Variants in PAPPA2 observed in about 807,000 individuals in gnomAD.
PAPPA2 encodes the protein pappalysin-2.
PAPPA2 carries 86 observed loss-of-function variants against 176.4 expected under a neutral mutation model. That is an observed-to-expected ratio of 0.49 (90% CI 0.41 to 0.58). The LOEUF is 0.58. Among genes scored for constraint, PAPPA2 ranks in the 20% least tolerant of loss-of-function variants. PAPPA2 has a pLI of 0.00. For missense variants in PAPPA2, 2,073 were observed against 2,256.9 expected, an observed-to-expected ratio of 0.92 and a Z score of 1.65; for synonymous variants, 809 against 852.2, an observed-to-expected ratio of 0.95 and a Z score of 0.88.
At chr1:176,517,253 G>T (rs1311106672) in intron 1 of PAPPA2, among the ~76,000 whole-genome samples, 2 of 152,098 alleles carry the variant, frequency 1.3e-5, no homozygotes, top group Admixed American at 6.6e-5. Context: ...TCTGCTAAAA[G>T]ACAGCAAATC....
At position 176,594,860 on chromosome 1, in the gene PAPPA2, T is replaced by G; in HGVS notation, c.1256T>G (p.Phe419Cys). 6.2e-7 allele frequency: 1 copy of G among 1,614,178 alleles called. No homozygotes were observed. Among genetic ancestry groups the G allele is most frequent in the Non-Finnish European group, 8.5e-7 (1 of 1,180,032 alleles). The change falls in exon 3 of 23, where the codon TTC becomes TGC. Residue 419 changes from phenylalanine (F) to cysteine (C), a missense_variant. By Grantham distance (205) the Phe-to-Cys change is radical (BLOSUM62 -2). Transcript: ENST00000367662. ...GGDSSEDGHY[F>C]RGHLGTLVFW... Reference sequence around the variant, plus strand: ...GACAGCTCTGAGGATGGGCACTATTTCCGTGGACACCTGGGCACACTGGTT... The same window carrying G: ...GACAGCTCTGAGGATGGGCACTATTGCCGTGGACACCTGGGCACACTGGTT...
intron 2 of PAPPA2, among the ~76,000 whole-genome samples, chr1:176,561,634 C>G (rs1350347498): frequency 3.2e-4 from 48 of 152,112 alleles, no homozygotes; most frequent in Non-Finnish European, 1.5e-5. Flanking sequence ...CTGAGCAGTA[C>G]TATTTTGAAT....
chr1:176,829,957 T>C (rs1557898408), intron 21 of PAPPA2, among the ~76,000 whole-genome samples: 3 of 152,248 alleles, frequency 2.0e-5, no homozygotes, highest in Non-Finnish European at 4.4e-5. Context: ...GTTTGATGTC[T>C]GGAAGAGTCT....
chr1:176,600,648 C>T (rs1255779277), intron 3 of PAPPA2, among the ~76,000 whole-genome samples: 1 of 139,308 alleles, frequency 7.2e-6, no homozygotes, highest in African/African-American at 2.7e-5. Flanking sequence ...TGCACTCCAG[C>T]CTGGGCGACA....
intron 1 of PAPPA2, among the ~76,000 whole-genome samples, chr1:176,518,975 C>T (rs1362963449): frequency 6.6e-6 from 1 of 152,126 alleles, no homozygotes; most frequent in African/African-American, 2.4e-5. Context: ...GGAGACCAGG[C>T]AGACTTAAAA....
At chr1:176,715,194 TA>T (rs1661313050) in intron 12 of PAPPA2, among the ~76,000 whole-genome samples, 1 of 152,216 alleles carries the variant, frequency 6.6e-6, no homozygotes, top group African/African-American at 2.4e-5. Context: ...ACTGTTGTGT[TA>T]ATGACACAAA....
chr1:176,557,930 T>C (rs1651424477), intron 2 of PAPPA2, among the ~76,000 whole-genome samples: 1 of 152,172 alleles, frequency 6.6e-6, no homozygotes, highest in African/African-American at 2.4e-5. Flanking sequence ...AATGAAACTT[T>C]TTATAACTCC....
chr1:176,463,804 T>G (rs1651490516), intron 1 of PAPPA2, among the ~76,000 whole-genome samples: 1 of 152,118 alleles, frequency 6.6e-6, no homozygotes, highest in Non-Finnish European at 1.5e-5. Flanking sequence ...GGGATTAGGA[T>G]GAGGGTTATT....
chr1:176,694,014 T>G (rs1276344597), intron 6 of PAPPA2, among the ~76,000 whole-genome samples: 1 of 152,228 alleles, frequency 6.6e-6, no homozygotes, highest in African/African-American at 2.4e-5. Context: ...GTTTGCTTCC[T>G]TTTCTCAGCT....
chr1:176,649,269 A>G (rs1169368644), intron 3 of PAPPA2, among the ~76,000 whole-genome samples: 1 of 151,348 alleles, frequency 6.6e-6, no homozygotes, highest in Non-Finnish European at 1.5e-5. Context: ...AGGTCTCAGA[A>G]ATACAGAGGG....
chr1:176,573,445 C>A (rs1190851179), intron 2 of PAPPA2, among the ~76,000 whole-genome samples: 1 of 152,020 alleles, frequency 6.6e-6, no homozygotes, highest in Admixed American at 6.6e-5. Context: ...TTATGGAATT[C>A]CATAGTCACA....
intron 21 of PAPPA2, among the ~76,000 whole-genome samples, chr1:176,835,689 T>C (rs1349233247): frequency 2.6e-5 from 4 of 152,168 alleles, no homozygotes; most frequent in African/African-American, 9.6e-5. Flanking sequence ...CCGGCTAGTT[T>C]TGTATTTTTA....
At chr1:176,682,952 T>G (rs1033990939) in intron 4 of PAPPA2, among the ~76,000 whole-genome samples, 1 of 152,090 alleles carries the variant, frequency 6.6e-6, no homozygotes. Context: ...CCTAAAAATT[T>G]TACAGAACTG....
chr1:176,820,852 C>T (rs950668983), intron 21 of PAPPA2, among the ~76,000 whole-genome samples: 7 of 151,996 alleles, frequency 4.6e-5, no homozygotes, highest in Non-Finnish European at 1.0e-4. Flanking sequence ...ACAACAACCC[C>T]CAAAGGAAAT....
chr1:176,823,593 C>G (rs1289005808), intron 21 of PAPPA2, among the ~76,000 whole-genome samples: 2 of 152,176 alleles, frequency 1.3e-5, no homozygotes, highest in African/African-American at 4.8e-5. Context: ...CTCTCTAGAG[C>G]AGCTATTCAT....
chr1:176,707,252 A>G (rs1660919204), intron 10 of PAPPA2, among the ~76,000 whole-genome samples: 2 of 152,346 alleles, frequency 1.3e-5, no homozygotes, highest in East Asian at 1.9e-4. Context: ...TGTGATTACA[A>G]TTATGTATAA....
intron 1 of PAPPA2, among the ~76,000 whole-genome samples, chr1:176,513,624 A>G (rs1025565583): frequency 6.6e-6 from 1 of 152,144 alleles, no homozygotes; most frequent in Non-Finnish European, 1.5e-5. Flanking sequence ...CAGTTGGCCA[A>G]TCTCTCATTC....
chr1:176,584,797 C>T (rs991889036), intron 2 of PAPPA2, among the ~76,000 whole-genome samples: 1 of 151,988 alleles, frequency 6.6e-6, no homozygotes, highest in Admixed American at 6.6e-5. Flanking sequence ...TGCAGGGGTG[C>T]CATCTCGGCG....
At chr1:176,498,698 C>G (rs191722513) in intron 1 of PAPPA2, among the ~76,000 whole-genome samples, 1 of 150,752 alleles carries the variant, frequency 6.6e-6, no homozygotes, top group African/African-American at 2.4e-5. Context: ...TGCAGTGAGC[C>G]GAGATCGCAC....
Sources: gnomAD v4.1 joint callset for allele counts (sites outside exome capture counted in the v4.1 genomes callset) on GRCh38, gnomAD v4.1.1 for gene constraint, MANE v1.5 for transcripts, NCBI Gene and HGNC (gene_info 2026-07-23, HGNC 2026-07-21) for gene names.